The following ZNF469 variants were observed in gnomAD, a reference collection of about 807,000 sequenced individuals.
ZNF469 encodes zinc finger protein 469.
Under a neutral mutation model 1.0 loss-of-function variants are expected in ZNF469, and 1 was observed. The ratio of observed to expected loss-of-function variants is 1.00; its 90% CI spans 0.35 to 4.73. The LOEUF (loss-of-function observed/expected upper bound fraction) is 4.73, where lower values mean the gene tolerates loss of function less well. Ranked by LOEUF, ZNF469 falls within the 30% of genes most tolerant of loss-of-function variation. The pLI is 0.16. For synonymous variants in ZNF469, 2,703 were observed against 2,363.4 expected, an observed-to-expected ratio of 1.14 and a Z score of -4.17; for missense variants, 6,100 against 5,356.3, an observed-to-expected ratio of 1.14 and a Z score of -4.33.
chr16:88,356,133 C>G, the ZNF469 span, among the ~76,000 whole-genome samples: 373 of 152,262 alleles, frequency 2.4e-3, 1 homozygote, highest in Middle Eastern at 6.8e-3. Context: ...GTGTGTACCC[C>G]AAAATCACAC....
rs754292270 is a variant in ZNF469 at position 88,430,918 on chromosome 16, G to A, written c.3448G>A (p.Gly1150Arg). 2.6e-6 allele frequency: 4 copies of A among 1,536,568 alleles called. No homozygotes were observed. The African/African-American group carries it at 4.1e-5, about 16-fold the overall frequency. ...GGCGAGGCAGGAAGCCGGCGGGGAC[G>A]GAGCCCCCGCGAACCCCGAGGAGCC... ...KAARQEAGGD[G>R]APANPEEPGG... The change falls in exon 3 of 3, where the codon GGA (glycine) becomes AGA (arginine). Residue 1150 changes from glycine (G) to arginine (R), a missense_variant. Transcript: ENST00000565624.
chr16:88,136,857 G>T, the ZNF469 span, among the ~76,000 whole-genome samples: 1 of 152,252 alleles, frequency 6.6e-6, no homozygotes, highest in African/African-American at 2.4e-5. Flanking sequence ...AGTGATGACT[G>T]TGGAGGGCTT....
the ZNF469 span, among the ~76,000 whole-genome samples, chr16:88,175,643 C>T: frequency 9.4e-3 from 1,438 of 152,254 alleles, 23 homozygotes; most frequent in African/African-American, 0.033. Context: ...TTTGGAACTG[C>T]GTGAAAACGG....
chr16:88,280,971 G>A, the ZNF469 span, among the ~76,000 whole-genome samples: 1 of 152,320 alleles, frequency 6.6e-6, no homozygotes, highest in East Asian at 1.9e-4. Context: ...TTAGTGCTGT[G>A]CCACACCGAT....
At chr16:88,180,035 A>G in the ZNF469 span, among the ~76,000 whole-genome samples, 1 of 152,258 alleles carries the variant, frequency 6.6e-6, no homozygotes, top group South Asian at 2.1e-4. Flanking sequence ...AGTGAAGATA[A>G]AATGAAATAA....
chr16:88,296,631 C>G, the ZNF469 span, among the ~76,000 whole-genome samples: 1 of 152,100 alleles, frequency 6.6e-6, no homozygotes, highest in African/African-American at 2.4e-5. Context: ...CATGCACACT[C>G]ACATACGCAT....
At chr16:88,296,673 T>TGAACACTCGTGCACACTCAC in the ZNF469 span, among the ~76,000 whole-genome samples, 4 of 151,306 alleles carry the variant, frequency 2.6e-5, no homozygotes, top group African/African-American at 9.8e-5. Context: ...CACACACTCA[T>TGAACACTCGTGCACACTCAC]GCACACTCGT....
the ZNF469 span, among the ~76,000 whole-genome samples, chr16:88,287,277 G>C: frequency 6.6e-6 from 1 of 152,238 alleles, no homozygotes; most frequent in Non-Finnish European, 1.5e-5. Flanking sequence ...ACGGACACAG[G>C]AGTTTCCAGT....
chr16:88,433,910 G>T lies in ZNF469; in HGVS notation c.6440G>T (p.Gly2147Val), dbSNP rs763917433. The T allele has an allele frequency of 1.3e-6, 2 of 1,549,368 alleles. No individual in the cohort carries two copies. The highest frequency in any genetic ancestry group is 2.4e-5 in the East Asian group (1 of 40,896). The change falls in exon 3 of 3, where the codon GGG becomes GTG. Residue 2147 changes from glycine (G) to valine (V), a missense_variant. Physicochemically the swap from Gly to Val is moderately radical, Grantham distance 109 (BLOSUM62 -3). Transcript: ENST00000565624. ...TSPSRAQGGL[G>V]GQLPASPSCR... Reference sequence around the variant, plus strand: ...CCTTCCAGGGCCCAAGGTGGGCTGGGGGGGCAGCTGCCAGCATCTCCGTCC... The same window carrying T: ...CCTTCCAGGGCCCAAGGTGGGCTGGTGGGGCAGCTGCCAGCATCTCCGTCC...
At position 88,436,485 on chromosome 16, in the gene ZNF469, T is replaced by G; in HGVS notation, c.9015T>G (p.Pro3005=). Residue 3005 remains proline, a synonymous_variant, in exon 3 of 3, where the codon CCT becomes CCG. Coordinates refer to ENST00000565624, the MANE Select transcript of ZNF469 (RefSeq NM_001367624.2). ...AAWRGLEMPA[P]ADDSSSSLGD... Reference sequence around the variant, plus strand: ...GGCGAGGCCTGGAGATGCCGGCCCCTGCCGATGACTCCTCCTCTTCTCTCG... The same window carrying G: ...GGCGAGGCCTGGAGATGCCGGCCCCGGCCGATGACTCCTCCTCTTCTCTCG... 1 of 1,547,442 alleles carries G rather than the reference T, an allele frequency of 6.5e-7. No homozygotes were observed. The highest frequency in any genetic ancestry group is 8.7e-7 in the Non-Finnish European group (1 of 1,146,948).
chr16:88,352,102 T>G, the ZNF469 span, among the ~76,000 whole-genome samples: 5 of 151,884 alleles, frequency 3.3e-5, no homozygotes, highest in Non-Finnish European at 5.9e-5. Flanking sequence ...AGCGGGTCCA[T>G]GGGTGCGAGG....
At chr16:88,280,775 G>T in the ZNF469 span, among the ~76,000 whole-genome samples, 1 of 150,988 alleles carries the variant, frequency 6.6e-6, no homozygotes, top group Non-Finnish European at 1.5e-5. Context: ...CTGATGCTTG[G>T]TCAGTCCCAT....
At chr16:88,239,691 ATATATATATATATATATATATATATTTT>A in the ZNF469 span, among the ~76,000 whole-genome samples, 21 of 6,308 alleles carry the variant, frequency 3.3e-3, 1 homozygote, top group Non-Finnish European at 5.9e-3. Context: ...ATATATATAT[ATATATATATATATATATATATATATTTT>A]TTTTTTTTTT....
At position 88,430,831 on chromosome 16, in the gene ZNF469, A is replaced by G. The variant is rs1906114794; in HGVS notation, c.3361A>G (p.Arg1121Gly). Reference protein sequence around the residue: ...FRGRRGRGEKRKEVELTQGPR... With the variant: ...FRGRRGRGEKGKEVELTQGPR... ...AGGCCGGCGGGGCCGAGGCGAGAAG[A>G]GGAAGGAAGTGGAGCTGACCCAGGG... The change falls in exon 3 of 3, where the codon AGG becomes GGG. Residue 1121 changes from arginine (R) to glycine (G), a missense_variant. Arg to Gly is a moderately radical substitution (Grantham distance 125). Transcript: ENST00000565624. 5.2e-6 allele frequency: 8 copies of G among 1,534,084 alleles called. No homozygotes were observed. The highest frequency in any genetic ancestry group is 5.2e-6 in the Non-Finnish European group (6 of 1,145,606).
At chr16:88,326,736 C>G in the ZNF469 span, among the ~76,000 whole-genome samples, 4 of 152,186 alleles carry the variant, frequency 2.6e-5, no homozygotes, top group Admixed American at 2.0e-4. Flanking sequence ...ACCTTAGAGA[C>G]CTTCCAGAAC....
the ZNF469 span, among the ~76,000 whole-genome samples, chr16:88,280,587 C>T: frequency 1.3e-5 from 2 of 149,638 alleles, no homozygotes; most frequent in South Asian, 2.1e-4. Flanking sequence ...GATGTTGGTG[C>T]ACAGGTTAGT....
At chr16:88,319,132 T>C in the ZNF469 span, among the ~76,000 whole-genome samples, 6 of 152,252 alleles carry the variant, frequency 3.9e-5, no homozygotes, top group Non-Finnish European at 8.8e-5. Context: ...GACCGGCCAC[T>C]GTCCTGCGGA....
chr16:88,286,968 A>G, the ZNF469 span, among the ~76,000 whole-genome samples: 21 of 152,234 alleles, frequency 1.4e-4, no homozygotes, highest in African/African-American at 4.8e-4. Flanking sequence ...TGACTACAGC[A>G]GCTCAAATGA....
At chr16:88,312,478 C>A in the ZNF469 span, among the ~76,000 whole-genome samples, 1 of 152,216 alleles carries the variant, frequency 6.6e-6, no homozygotes, top group Non-Finnish European at 1.5e-5. Flanking sequence ...CTCCCCAATT[C>A]TTCACTTGCT....
Sources: allele counts gnomAD v4.1 joint callset (sites outside exome capture counted in the v4.1 genomes callset), GRCh38; gene constraint gnomAD v4.1.1; transcripts MANE v1.5; gene names NCBI Gene and HGNC (gene_info 2026-07-23, HGNC 2026-07-21).